TRPS1: variants seen among roughly 807,000 people sequenced by gnomAD.
TRPS1 encodes the protein zinc finger transcription factor Trps1.
In TRPS1, 6 loss-of-function variants were observed where a neutral mutation model predicts 101.2. That is an observed-to-expected ratio of 0.06 (90% CI 0.03 to 0.12). The LOEUF (loss-of-function observed/expected upper bound fraction) is 0.12. TRPS1 is among the 10% of genes least tolerant of loss of function. TRPS1 has a pLI of 1.00. For synonymous variants in TRPS1, 578 were observed against 589.8 expected, an observed-to-expected ratio of 0.98 and a Z score of 0.29; for missense variants, 1,363 against 1,567.0, an observed-to-expected ratio of 0.87 and a Z score of 2.20.
intron 1 of TRPS1, among the ~76,000 whole-genome samples, chr8:115,631,802 T>C (rs1342378438): frequency 6.6e-6 from 1 of 152,140 alleles, no homozygotes; most frequent in African/African-American, 2.4e-5. Context: ...CTCAACAACA[T>C]AATAACAAAC....
chr8:115,633,471 C>A (rs1395884139), intron 1 of TRPS1, among the ~76,000 whole-genome samples: 1 of 152,098 alleles, frequency 6.6e-6, no homozygotes, highest in Non-Finnish European at 1.5e-5. Flanking sequence ...CAAAGACAAG[C>A]TACATAAAGG....
chr8:115,434,681 C>CTAT (rs1813406186), intron 5 of TRPS1, among the ~76,000 whole-genome samples: 1 of 152,118 alleles, frequency 6.6e-6, no homozygotes, highest in Non-Finnish European at 1.5e-5. Context: ...TTGGTCCTAG[C>CTAT]CATAAACATT....
At chr8:115,651,021 T>G (rs959977523) in intron 1 of TRPS1, among the ~76,000 whole-genome samples, 1 of 152,104 alleles carries the variant, frequency 6.6e-6, no homozygotes, top group African/African-American at 2.4e-5. Flanking sequence ...CAACACAACC[T>G]TTGGGCCTGA....
intron 5 of TRPS1, among the ~76,000 whole-genome samples, chr8:115,457,303 G>C (rs948137762): frequency 6.6e-6 from 1 of 152,078 alleles, no homozygotes; most frequent in East Asian, 1.9e-4. Flanking sequence ...TCCAACATAC[G>C]CTACAACATG....
chr8:115,642,703 A>G (rs1983543), intron 1 of TRPS1, among the ~76,000 whole-genome samples: 9,082 of 151,942 alleles, frequency 0.06, 383 homozygotes, highest in South Asian at 0.12. Flanking sequence ...AATATGAATG[A>G]CTGTGTCAGT....
chr8:115,529,277 T>C (rs533664370), intron 5 of TRPS1, among the ~76,000 whole-genome samples: 1 of 152,018 alleles, frequency 6.6e-6, no homozygotes, highest in Non-Finnish European at 1.5e-5. Context: ...TGAGCAAATA[T>C]GTAAAATCTA....
intron 1 of TRPS1, among the ~76,000 whole-genome samples, chr8:115,629,073 G>C (rs1818578478): frequency 6.6e-6 from 1 of 151,714 alleles, no homozygotes; most frequent in South Asian, 2.1e-4. Context: ...AACACAGTGG[G>C]AAAGGCCACT....
intron 5 of TRPS1, among the ~76,000 whole-genome samples, chr8:115,553,925 C>T (rs1010856540): frequency 3.3e-5 from 5 of 152,226 alleles, no homozygotes; most frequent in Middle Eastern, 3.5e-3. Context: ...AATTTATTAT[C>T]AGGCTCTGAT....
intron 5 of TRPS1, among the ~76,000 whole-genome samples, chr8:115,498,413 C>CTATATATATA (rs1563554199): frequency 1.6e-4 from 10 of 63,466 alleles, no homozygotes; most frequent in Non-Finnish European, 2.4e-4. Context: ...CTCTCTCTCT[C>CTATATATATA]TCTATATATA....
chr8:115,616,818 C>T (rs997411660), intron 3 of TRPS1, among the ~76,000 whole-genome samples: 2 of 152,142 alleles, frequency 1.3e-5, no homozygotes, highest in Non-Finnish European at 2.9e-5. Context: ...TCTCCCACAG[C>T]TTTTAGCCTC....
intron 5 of TRPS1, chr8:115,492,050 C>G (rs180869717): frequency 2.6e-5 from 10 of 381,234 alleles, no homozygotes; most frequent in Admixed American, 2.6e-4. Context: ...CAAACTAACT[C>G]TCACTTGGCT....
At chr8:115,440,903 A>G (rs1341031055) in intron 5 of TRPS1, among the ~76,000 whole-genome samples, 1 of 152,166 alleles carries the variant, frequency 6.6e-6, no homozygotes, top group African/African-American at 2.4e-5. Context: ...ACTGAATGTT[A>G]AATAAACTAT....
intron 1 of TRPS1, among the ~76,000 whole-genome samples, chr8:115,654,448 A>G (rs746426818): frequency 6.6e-6 from 1 of 152,202 alleles, no homozygotes; most frequent in Non-Finnish European, 1.5e-5. Flanking sequence ...GATTTTAATA[A>G]CTAATTGCAC....
intron 5 of TRPS1, among the ~76,000 whole-genome samples, chr8:115,535,132 T>C (rs1223816085): frequency 6.8e-6 from 1 of 148,108 alleles, no homozygotes; most frequent in African/African-American, 2.5e-5. Context: ...GTATAGCATA[T>C]ATATAGCATA....
intron 5 of TRPS1, among the ~76,000 whole-genome samples, chr8:115,476,467 T>C (rs191432505): frequency 4.1e-4 from 63 of 152,034 alleles, no homozygotes; most frequent in African/African-American, 1.4e-3. Context: ...AGAGAGGGAG[T>C]TATTTCCCTA....
intron 5 of TRPS1, among the ~76,000 whole-genome samples, chr8:115,565,950 T>G (rs558529654): frequency 3.3e-5 from 5 of 152,124 alleles, no homozygotes; most frequent in African/African-American, 4.8e-5. Flanking sequence ...GTAAGGGAAT[T>G]TTTAAGTTCT....
At chr8:115,495,346 T>A (rs1486685347) in intron 5 of TRPS1, among the ~76,000 whole-genome samples, 1 of 152,018 alleles carries the variant, frequency 6.6e-6, no homozygotes, top group East Asian at 1.9e-4. Flanking sequence ...ATTCTGTTGT[T>A]CAATTGCTCC....
At chr8:115,550,542 A>C (rs1816679377) in intron 5 of TRPS1, among the ~76,000 whole-genome samples, 1 of 152,234 alleles carries the variant, frequency 6.6e-6, no homozygotes, top group Admixed American at 6.5e-5. Context: ...AACTCTTTTA[A>C]CTACCATTTG....
At chr8:115,655,566 T>C (rs1486494683) in intron 1 of TRPS1, among the ~76,000 whole-genome samples, 1 of 152,176 alleles carries the variant, frequency 6.6e-6, no homozygotes, top group Non-Finnish European at 1.5e-5. Flanking sequence ...GTTTTATTAA[T>C]GTAACCTAAT....
Sources: allele counts gnomAD v4.1 joint callset (sites outside exome capture counted in the v4.1 genomes callset), GRCh38; gene constraint gnomAD v4.1.1; transcripts MANE v1.5; gene names NCBI Gene and HGNC (gene_info 2026-07-23, HGNC 2026-07-21).